The following ROR2 variants were observed in gnomAD, a reference collection of about 807,000 sequenced individuals.
ROR2 encodes the protein ROR family WNT receptor 2, also known as tyrosine-protein kinase transmembrane receptor ROR2.
ROR2 carries 33 observed loss-of-function variants against 74.9 expected under a neutral mutation model. The observed-to-expected ratio is 0.44, with a 90% confidence interval of 0.33 to 0.59. The LOEUF (loss-of-function observed/expected upper bound fraction) is 0.59. Ranked by LOEUF, ROR2 falls within the 20% of genes least tolerant of loss-of-function variation. The probability of loss-of-function intolerance (pLI) is 0.02; values close to 1 mark genes in which losing one functional copy is unlikely to be tolerated. For missense variants in ROR2, 1,216 were observed against 1,313.8 expected (o/e 0.93, Z 1.15); for synonymous variants, 586 against 558.7 (o/e 1.05, Z -0.69).
intron 5 of ROR2, among the ~76,000 whole-genome samples, chr9:91,736,722 G>T (rs191685738): frequency 6.6e-5 from 10 of 152,156 alleles, no homozygotes; most frequent in Non-Finnish European, 1.0e-4. Flanking sequence ...CAATGTGTTC[G>T]AGTTGTATGC....
intron 1 of ROR2, chr9:91,924,061 A>G (rs1394647148): frequency 6.6e-6 from 1 of 152,478 alleles, no homozygotes; most frequent in Non-Finnish European, 1.5e-5. Context: ...TCTCCACTAC[A>G]ACATTGGCAG....
intron 1 of ROR2, among the ~76,000 whole-genome samples, chr9:91,933,273 G>A (rs1163694070): frequency 1.3e-5 from 2 of 152,124 alleles, no homozygotes; most frequent in African/African-American, 4.8e-5. Context: ...CCGAGATTGC[G>A]CCACTGCACT....
chr9:91,738,798 C>T (rs10117385), intron 4 of ROR2, among the ~76,000 whole-genome samples: 4,231 of 152,236 alleles, frequency 0.028, 200 homozygotes, highest in African/African-American at 0.096. Context: ...GGGAGAGACA[C>T]GGACAGGCTG....
At position 91,950,141 on chromosome 9, in the gene ROR2, C is replaced by G; in HGVS notation, c.-178G>C. 1 of 399,102 alleles carries G rather than the reference C, an allele frequency of 2.5e-6. No homozygotes were observed. The highest frequency in any genetic ancestry group is 4.2e-5 in the East Asian group (1 of 23,692). The allele number at this position is 399,102 out of a possible 1,614,324, so 24.7% of individuals were successfully genotyped here. ...TCCGGCCCGGATGCGCCGCTCGGCT[C>G]CGGCCACGGCAAGGGCTGGCTGGGG... On this transcript the variant is annotated 5_prime_UTR_variant, in exon 1 of 9. Transcript: ENST00000375708.
chr9:91,923,374 G>A lies in ROR2; in HGVS notation c.97+26493C>T, dbSNP rs548369274. 7.2e-4 allele frequency among the ~76,000 whole-genome samples: 110 copies of A among 152,328 alleles called. 1 individual carries two copies. In the Middle Eastern group the frequency reaches 0.017, roughly 24 times the overall value. ...GTCTGTTTGTAATTTTATTCAGTCT[G>A]AGTTAACTTCAATTAAATAGCCACA... is the stretch of plus-strand genomic sequence containing the variant. On this transcript the variant is annotated intron_variant, in intron 1 of 8. Transcript: ENST00000375708.
intron 1 of ROR2, among the ~76,000 whole-genome samples, chr9:91,807,321 C>T (rs1428553597): frequency 2.0e-5 from 3 of 152,220 alleles, no homozygotes; most frequent in South Asian, 2.1e-4. Flanking sequence ...AACTCATCCA[C>T]GTGCTGGGAG....
intron 1 of ROR2, among the ~76,000 whole-genome samples, chr9:91,837,828 T>C (rs1828655968): frequency 6.6e-6 from 1 of 152,230 alleles, no homozygotes; most frequent in Non-Finnish European, 1.5e-5. Flanking sequence ...TTTTTAATTT[T>C]AAGCTATAAG....
rs549995715 is a variant in ROR2, at chr9:91,740,552, G to T, written c.495-3034C>A. ...GGGTGACAAAGCAAGACTCTGTTTC[G>T]GGCGGGGGGGGGAATATATATATGT... On this transcript the variant is annotated intron_variant, in intron 4 of 8. Transcript: ENST00000375708. 6.1e-5 allele frequency among the ~76,000 whole-genome samples: 9 copies of T among 148,702 alleles called. No homozygotes were observed. The South Asian group carries it at 1.9e-3, about 32-fold the overall frequency.
rs371828715 is a variant in ROR2, at chr9:91,760,615, C to CA, written c.176-3057dup. Among the ~76,000 whole-genome samples, 339 of 146,090 alleles carry CA rather than the reference C, an allele frequency of 2.3e-3. 1 individual carries two copies. Among genetic ancestry groups the CA allele is most frequent in the African/African-American group, 8.1e-3 (320 of 39,314 alleles). On this transcript the variant is annotated intron_variant, in intron 2 of 8. Transcript: ENST00000375708. Reference sequence around the variant, plus strand: ...CGCCACTGCACTCCGGCCTGGGTGACAGAGCGAGACTCTGTCTCAAAAAAA... The same window carrying CA: ...CGCCACTGCACTCCGGCCTGGGTGACAAGAGCGAGACTCTGTCTCAAAAAAA...
chr9:91,854,036 G>C (rs943012476), intron 1 of ROR2, among the ~76,000 whole-genome samples: 1 of 152,190 alleles, frequency 6.6e-6, no homozygotes, highest in Non-Finnish European at 1.5e-5. Flanking sequence ...AGAGGAGAAG[G>C]GGAAGAGGCC....
At chr9:91,935,360 CT>C (rs1831655875) in intron 1 of ROR2, among the ~76,000 whole-genome samples, 1 of 152,224 alleles carries the variant, frequency 6.6e-6, no homozygotes, top group Non-Finnish European at 1.5e-5. Context: ...GGGCCTACCC[CT>C]GTGCTTTGGA....
At chr9:91,888,276 G>T (rs1467302379) in intron 1 of ROR2, among the ~76,000 whole-genome samples, 1 of 152,028 alleles carries the variant, frequency 6.6e-6, no homozygotes, top group Non-Finnish European at 1.5e-5. Flanking sequence ...TTATATTTTT[G>T]AGATCCATTT....
chr9:91,890,533 G>A (rs1830398468), intron 1 of ROR2, among the ~76,000 whole-genome samples: 1 of 152,170 alleles, frequency 6.6e-6, no homozygotes, highest in African/African-American at 2.4e-5. Context: ...GTGTTTTATA[G>A]TTTTTGGTTC....
rs149069696 is a variant in ROR2, at chr9:91,909,786, C to T, written c.97+40081G>A. On this transcript the variant is annotated intron_variant, in intron 1 of 8. Transcript: ENST00000375708. ...GACATACTGTGCTTTTTCTTCAAAT[C>T]ATTAGCTATTTTATAAGCATTCTGA... Among the ~76,000 whole-genome samples the T allele has an allele frequency of 4.7e-3, 652 of 139,442 alleles. 7 individuals are homozygous for T. The highest frequency in any genetic ancestry group is 0.017 in the African/African-American group (627 of 37,248). 91.5% of individuals were successfully genotyped at this position (139,442 alleles called of 152,430 possible).
At chr9:91,924,404 C>T (rs757116957) in intron 1 of ROR2, among the ~76,000 whole-genome samples, 6 of 152,360 alleles carry the variant, frequency 3.9e-5, no homozygotes, top group African/African-American at 9.6e-5. Context: ...CTTCTGCCTG[C>T]GTCCTCCTGT....
chr9:91,765,867 T>G (rs149167490), intron 2 of ROR2, among the ~76,000 whole-genome samples: 1 of 152,200 alleles, frequency 6.6e-6, no homozygotes, highest in African/African-American at 2.4e-5. Flanking sequence ...TTCATAGGCC[T>G]TATATCAGGG....
chr9:91,891,635 A>G (rs1468036366), intron 1 of ROR2, among the ~76,000 whole-genome samples: 1 of 152,162 alleles, frequency 6.6e-6, no homozygotes, highest in African/African-American at 2.4e-5. Context: ...GTTGTTGTCC[A>G]TATTCCGTTC....
intron 1 of ROR2, among the ~76,000 whole-genome samples, chr9:91,847,835 T>C (rs1828975688): frequency 6.6e-6 from 1 of 151,556 alleles, no homozygotes; most frequent in East Asian, 1.9e-4. Flanking sequence ...CAAGCTCAAG[T>C]CAGGCTTTGA....
intron 1 of ROR2, among the ~76,000 whole-genome samples, chr9:91,806,818 TG>T (rs962506914): frequency 4.6e-4 from 70 of 152,326 alleles, no homozygotes; most frequent in Middle Eastern, 3.4e-3. Context: ...CTCGATCTCC[TG>T]ACCTTGTGAT....
Sources: allele counts gnomAD v4.1 joint callset (sites outside exome capture counted in the v4.1 genomes callset), GRCh38; gene constraint gnomAD v4.1.1; transcripts MANE v1.5; gene names NCBI Gene and HGNC (gene_info 2026-07-23, HGNC 2026-07-21).